The following AGBL1 variants were observed in gnomAD, a reference collection of about 807,000 sequenced individuals.
AGBL1 encodes cytosolic carboxypeptidase 4.
Under a neutral mutation model 118.9 loss-of-function variants are expected in AGBL1, and 130 were observed. The observed-to-expected ratio is 1.09, with a 90% CI of 0.95 to 1.26. The LOEUF is 1.26. Among genes scored for constraint, AGBL1 ranks in the 50% most tolerant of loss-of-function variants. The pLI is 0.00. For synonymous variants in AGBL1, 555 were observed against 478.9 expected (o/e 1.16, Z -2.08); for missense variants, 1,584 against 1,298.1 (o/e 1.22, Z -3.38).
Position 86,257,038 on chromosome 15 carries a change from A to C in AGBL1, c.901+20A>C, listed in dbSNP as rs1333830794. The C allele has an allele frequency of 6.2e-7, 1 of 1,608,716 alleles. No homozygotes were observed. Among genetic ancestry groups the C allele is most frequent in the Non-Finnish European group, 8.5e-7 (1 of 1,177,060 alleles). On this transcript the variant is annotated intron_variant, in intron 8 of 22. Coordinates refer to ENST00000614907, the MANE Select transcript of AGBL1 (RefSeq NM_001386094.1). ...CTGAAGGTAAAATAAGTTGGTAACT[A>C]TGACCTTTAAGATGAGTTTTTGCAT...
At chr15:86,549,527 C>A (rs2083634267) in intron 20 of AGBL1, among the ~76,000 whole-genome samples, 1 of 151,758 alleles carries the variant, frequency 6.6e-6, no homozygotes, top group Non-Finnish European at 1.5e-5. Flanking sequence ...AATTTAAAAA[C>A]ATTTAAAAAA....
At chr15:86,207,983 G>A (rs967850840) in intron 5 of AGBL1, among the ~76,000 whole-genome samples, 3 of 147,942 alleles carry the variant, frequency 2.0e-5, no homozygotes, top group South Asian at 2.3e-4. Flanking sequence ...TTTGAGATAC[G>A]TCCCATCAAT....
intron 23 of AGBL1, among the ~76,000 whole-genome samples, chr15:86,953,954 G>A (rs576521578): frequency 6.6e-6 from 1 of 152,042 alleles, no homozygotes; most frequent in East Asian, 1.9e-4. Flanking sequence ...AAAAGAAGAT[G>A]GACAAGCAGC....
intron 22 of AGBL1, among the ~76,000 whole-genome samples, chr15:86,771,487 A>G (rs1026142686): frequency 1.3e-5 from 2 of 151,944 alleles, no homozygotes; most frequent in Non-Finnish European, 2.9e-5. Context: ...TTTTGGAGGG[A>G]GAGCTTTCCT....
intron 21 of AGBL1, among the ~76,000 whole-genome samples, chr15:86,567,406 T>C (rs1292250955): frequency 6.6e-6 from 1 of 152,174 alleles, no homozygotes; most frequent in Non-Finnish European, 1.5e-5. Context: ...AATCTATGTT[T>C]TAGTTAATTT....
At chr15:86,932,704 C>T (rs773747798) in intron 23 of AGBL1, among the ~76,000 whole-genome samples, 4 of 152,132 alleles carry the variant, frequency 2.6e-5, no homozygotes, top group African/African-American at 4.8e-5. Context: ...GGCTGACTCC[C>T]CATTCTCCTG....
At chr15:86,760,402 C>T (rs1047774319) in intron 22 of AGBL1, among the ~76,000 whole-genome samples, 1 of 152,050 alleles carries the variant, frequency 6.6e-6, no homozygotes, top group Non-Finnish European at 1.5e-5. Context: ...CTTGCCCATT[C>T]GTCATTCCCC....
At chr15:86,990,277 G>A (rs1359295568) in intron 24 of AGBL1, among the ~76,000 whole-genome samples, 2 of 152,170 alleles carry the variant, frequency 1.3e-5, no homozygotes, top group African/African-American at 4.8e-5. Flanking sequence ...CACTTTGGGA[G>A]GCTGAGGCAG....
intron 22 of AGBL1, among the ~76,000 whole-genome samples, chr15:86,822,913 C>A (rs954658449): frequency 6.6e-6 from 1 of 152,088 alleles, no homozygotes; most frequent in African/African-American, 2.4e-5. Context: ...TAAGTACATG[C>A]TCTTACACAA....
chr15:86,379,168 C>G (rs2081079302), intron 17 of AGBL1, among the ~76,000 whole-genome samples: 1 of 152,038 alleles, frequency 6.6e-6, no homozygotes, highest in South Asian at 2.1e-4. Flanking sequence ...CTGCCTCAGC[C>G]TCTCAAAGTG....
chr15:86,473,250 C>G (rs1017372336), intron 18 of AGBL1, among the ~76,000 whole-genome samples: 9 of 152,142 alleles, frequency 5.9e-5, no homozygotes, highest in African/African-American at 2.2e-4. Context: ...AGATGGCTTT[C>G]CAGGGAAGGA....
intron 23 of AGBL1, among the ~76,000 whole-genome samples, chr15:86,984,451 G>A (rs1426224073): frequency 6.7e-6 from 1 of 148,896 alleles, no homozygotes; most frequent in Admixed American, 6.8e-5. Flanking sequence ...TGCAACCTCC[G>A]CCCCGCTGGG....
chr15:86,982,032 C>T (rs1159570197), intron 23 of AGBL1, among the ~76,000 whole-genome samples: 1 of 152,100 alleles, frequency 6.6e-6, no homozygotes, highest in East Asian at 1.9e-4. Context: ...ATCATGAACA[C>T]TCATGTTATG....
intron 22 of AGBL1, among the ~76,000 whole-genome samples, chr15:86,701,346 T>A (rs2142645617): frequency 6.6e-6 from 1 of 152,146 alleles, no homozygotes; most frequent in East Asian, 1.9e-4. Flanking sequence ...GGACTCTGGT[T>A]GTGTGTGTTC....
intron 11 of AGBL1, among the ~76,000 whole-genome samples, chr15:86,265,982 T>A (rs2079064534): frequency 6.6e-6 from 1 of 152,190 alleles, no homozygotes; most frequent in Non-Finnish European, 1.5e-5. Context: ...TCCCAAACCT[T>A]GAAGATGCTA....
chr15:86,471,147 G>A (rs1191467701), intron 18 of AGBL1, among the ~76,000 whole-genome samples: 1 of 152,092 alleles, frequency 6.6e-6, no homozygotes, highest in Non-Finnish European at 1.5e-5. Flanking sequence ...TGAATATAAT[G>A]TTAGTTGTGG....
intron 18 of AGBL1, among the ~76,000 whole-genome samples, chr15:86,397,798 C>T (rs1416306559): frequency 6.6e-6 from 1 of 152,120 alleles, no homozygotes; most frequent in African/African-American, 2.4e-5. Flanking sequence ...CCAGTCTGGG[C>T]AACACAGTGA....
chr15:86,578,686 TAGTG>T lies in AGBL1; in HGVS notation c.2994+24153_2994+24156del. Among the ~76,000 whole-genome samples the T allele has an allele frequency of 4.0e-5, 6 of 151,166 alleles. 1 individual carries two copies. The highest frequency in any genetic ancestry group is 3.9e-4 in the Admixed American group (6 of 15,258). ...AGGTTTTCCTGTGCTGTTCTTGTGA[TAGTG>T]AGTAAGTCTCATGAGATCTGATGGT... On this transcript the variant is annotated intron_variant, in intron 21 of 22. Coordinates refer to ENST00000614907, the MANE Select transcript of AGBL1 (RefSeq NM_001386094.1).
At chr15:86,163,530 C>T (rs2077295872) in intron 5 of AGBL1, among the ~76,000 whole-genome samples, 1 of 152,054 alleles carries the variant, frequency 6.6e-6, no homozygotes, top group Non-Finnish European at 1.5e-5. Flanking sequence ...GAGTTTGAGA[C>T]CAGCCTGGCC....
Sources: gnomAD v4.1 joint callset for allele counts (sites outside exome capture counted in the v4.1 genomes callset) on GRCh38, gnomAD v4.1.1 for gene constraint, MANE v1.5 for transcripts, NCBI Gene and HGNC (gene_info 2026-07-23, HGNC 2026-07-21) for gene names.